The following CPO variants were observed in gnomAD, a reference collection of about 807,000 sequenced individuals.
CPO encodes metallocarboxypeptidase C.
Under a neutral mutation model 41.2 loss-of-function variants are expected in CPO, and 43 were observed. The ratio of observed to expected loss-of-function variants is 1.04; its 90% CI spans 0.82 to 1.35. The LOEUF (loss-of-function observed/expected upper bound fraction) is 1.35, where lower values mean the gene tolerates loss of function less well. Ranked by LOEUF, CPO falls within the 40% of genes most tolerant of loss-of-function variation. The pLI, the probability that CPO is intolerant of heterozygous loss-of-function variation, is 0.00. For missense variants in CPO, 408 were observed against 451.7 expected (o/e 0.90, Z 0.88); for synonymous variants, 178 against 162.7 (o/e 1.09, Z -0.72).
chr2:206,949,564 C>A, intron 1 of CPO, 53 bp from the exon 2 acceptor site: 2 of 1,330,614 alleles, frequency 1.5e-6, no homozygotes, highest in South Asian at 1.2e-5. Context: ...CGCCAACCCT[C>A]AGGATATCCC....
At chr2:206,956,793 C>G (rs1343384983) in intron 3 of CPO, among the ~76,000 whole-genome samples, 1 of 152,152 alleles carries the variant, frequency 6.6e-6, no homozygotes, top group Non-Finnish European at 1.5e-5. Context: ...TTACAAAGTA[C>G]AGCCCTAAAT....
At chr2:206,947,724 A>G (rs1693172641) in intron 1 of CPO, among the ~76,000 whole-genome samples, 1 of 152,216 alleles carries the variant, frequency 6.6e-6, no homozygotes, top group Non-Finnish European at 1.5e-5. Flanking sequence ...AATAACTTGA[A>G]TAAAAAATTG....
chr2:206,963,602 C>G (rs1693519779), intron 7 of CPO, among the ~76,000 whole-genome samples: 1 of 152,162 alleles, frequency 6.6e-6, no homozygotes, highest in Non-Finnish European at 1.5e-5. Context: ...CAGTATTTAT[C>G]TTTTTATGAC....
intron 3 of CPO, among the ~76,000 whole-genome samples, chr2:206,956,836 T>A (rs1175238605): frequency 6.6e-6 from 1 of 152,200 alleles, no homozygotes; most frequent in African/African-American, 2.4e-5. Flanking sequence ...AAAAAATTAT[T>A]GGCTCTGAAA....
rs200584221 is a variant in CPO, at chr2:206,960,918, C to T, written c.550C>T (p.Arg184Ter). Residue 184 changes from arginine to a stop codon, truncating the protein, a stop_gained, in exon 6 of 9, where the codon CGA becomes TGA. Coordinates refer to ENST00000272852, the MANE Select transcript of CPO (RefSeq NM_173077.3). LOFTEE classifies it high-confidence loss of function. ...NGTCFGTDLN[R>*]NFNASWCSIG... ...CACATGTTTTGGGACGGATCTCAAT[C>T]GAAATTTCAATGCATCTTGGTGTAG... 18 of 1,612,494 alleles carry T rather than the reference C, an allele frequency of 1.1e-5. No individual in the cohort carries two copies. The Middle Eastern group carries it at 4.9e-4, about 44-fold the overall frequency.
chr2:206,952,773 C>T (rs914906069), intron 2 of CPO, among the ~76,000 whole-genome samples: 1 of 152,130 alleles, frequency 6.6e-6, no homozygotes, highest in African/African-American at 2.4e-5. Flanking sequence ...AGTCTGTTCT[C>T]ATGCTGCTGT....
intron 1 of CPO, among the ~76,000 whole-genome samples, chr2:206,948,849 G>A (rs943513927): frequency 3.9e-5 from 6 of 152,190 alleles, no homozygotes; most frequent in East Asian, 3.8e-4. Flanking sequence ...TGTATGAAGA[G>A]TGAGCCCTAA....
At chr2:206,939,985 T>C (rs1426124388) in intron 1 of CPO, among the ~76,000 whole-genome samples, 1 of 152,150 alleles carries the variant, frequency 6.6e-6, no homozygotes, top group East Asian at 1.9e-4. Flanking sequence ...TCATAGTATC[T>C]CATTTGGTAA....
Position 206,962,497 on chromosome 2 carries a change from C to T in CPO, c.660C>T (p.Ser220=). ...AACCAGAGACTAAAGCTGTTGCCAG[C>T]TTCATAGAGAGCAAGAAGGATGATA... ...VSEPETKAVA[S]FIESKKDDIL... The change falls in exon 7 of 9, where the codon AGC becomes AGT. Residue 220 remains serine (S), a synonymous_variant. Transcript: ENST00000272852. The T allele has an allele frequency of 2.5e-6, 4 of 1,614,154 alleles. No individual in the cohort carries two copies. The highest frequency in any genetic ancestry group is 3.4e-6 in the Non-Finnish European group (4 of 1,179,990).
intron 7 of CPO, among the ~76,000 whole-genome samples, chr2:206,962,889 A>T (rs571697012): frequency 1.3e-5 from 2 of 152,248 alleles, no homozygotes; most frequent in Non-Finnish European, 2.9e-5. Context: ...TGAGATGATT[A>T]TGTTAATAAT....
At chr2:206,968,782 C>G (rs1016314428) in intron 8 of CPO, among the ~76,000 whole-genome samples, 3 of 152,170 alleles carry the variant, frequency 2.0e-5, no homozygotes, top group African/African-American at 2.4e-5. Flanking sequence ...CAATCTCCAC[C>G]CTCTATGAGC....
intron 6 of CPO, 127 bp downstream of exon 6, chr2:206,961,069 T>A (rs1693470057): frequency 2.9e-6 from 2 of 693,862 alleles, no homozygotes; most frequent in Non-Finnish European, 2.6e-6. Context: ...GGCTTCCTAA[T>A]GAGTTTTATT....
At chr2:206,947,021 C>T (rs966004133) in intron 1 of CPO, among the ~76,000 whole-genome samples, 2 of 152,108 alleles carry the variant, frequency 1.3e-5, no homozygotes, top group East Asian at 1.9e-4. Context: ...GTTAAGATGT[C>T]AGTTCCTCCC....
chr2:206,943,139 C>A (rs530986889), intron 1 of CPO, among the ~76,000 whole-genome samples: 1 of 152,272 alleles, frequency 6.6e-6, no homozygotes, highest in East Asian at 1.9e-4. Context: ...GCACCAGGTG[C>A]AAACCCCACT....
intron 2 of CPO, among the ~76,000 whole-genome samples, chr2:206,951,134 A>G (rs1270599338): frequency 6.6e-6 from 1 of 152,208 alleles, no homozygotes; most frequent in African/African-American, 2.4e-5. Flanking sequence ...CCTTTTAAGT[A>G]TAAATAGACA....
intron 2 of CPO, among the ~76,000 whole-genome samples, chr2:206,952,212 C>G (rs2105822973): frequency 6.6e-6 from 1 of 151,896 alleles, no homozygotes; most frequent in Non-Finnish European, 1.5e-5. Flanking sequence ...CTCCTGGGTT[C>G]AAGCAATTCT....
At chr2:206,951,834 C>T (rs2105822735) in intron 2 of CPO, among the ~76,000 whole-genome samples, 1 of 152,320 alleles carries the variant, frequency 6.6e-6, no homozygotes, top group South Asian at 2.1e-4. Flanking sequence ...GTGTACTGAA[C>T]AAGCAATAAA....
At chr2:206,950,582 A>G (rs1693241327) in intron 2 of CPO, among the ~76,000 whole-genome samples, 1 of 152,338 alleles carries the variant, frequency 6.6e-6, no homozygotes, top group Admixed American at 6.5e-5. Context: ...TACTGGGCAT[A>G]TACCCAAAGG....
Position 206,969,328 on chromosome 2 carries a change from AG to A in CPO, c.1018del (p.Val340SerfsTer18). 1 of 1,614,080 alleles carries A rather than the reference AG, an allele frequency of 6.2e-7. No individual in the cohort carries two copies. The highest frequency in any genetic ancestry group is 8.5e-7 in the Non-Finnish European group (1 of 1,180,010). ...AGGAGACCATGGAGGCTGTGCTGTC[AG>A]TCCTGGATGATGTGTATGCGAAACA... is the stretch of plus-strand genomic sequence containing the variant. ...CEETMEAVLS[V>X]LDDVYAKHWH... is the part of the protein sequence containing the mutation. On this transcript the variant is annotated frameshift_variant, in exon 9 of 9. Transcript: ENST00000272852. LOFTEE classifies it low-confidence loss of function (END_TRUNC).
Sources: allele counts gnomAD v4.1 joint callset (sites outside exome capture counted in the v4.1 genomes callset), GRCh38; gene constraint gnomAD v4.1.1; transcripts MANE v1.5; gene names NCBI Gene and HGNC (gene_info 2026-07-23, HGNC 2026-07-21).